TENM2: variants seen among roughly 807,000 people sequenced by gnomAD.
TENM2 encodes teneurin transmembrane protein 2, also known as teneurin-2.
In TENM2, 52 loss-of-function variants were observed where a neutral mutation model predicts 245.2. The ratio of observed to expected loss-of-function variants is 0.21; its 90% confidence interval spans 0.17 to 0.27. The LOEUF is 0.27. TENM2 is among the 10% of genes least tolerant of loss of function. The pLI is 1.00. For synonymous variants in TENM2, 1,363 were observed against 1,438.9 expected (o/e 0.95, Z 1.19); for missense variants, 3,046 against 3,666.8 (o/e 0.83, Z 4.37).
chr5:167,112,760 C>G, the TENM2 span, among the ~76,000 whole-genome samples: 2 of 152,180 alleles, frequency 1.3e-5, no homozygotes, highest in Non-Finnish European at 2.9e-5. Flanking sequence ...TCCATACAAT[C>G]TGGCATCATG....
At chr5:168,019,610 TG>T in intron 5 of TENM2, among the ~76,000 whole-genome samples, 1 of 151,982 alleles carries the variant, frequency 6.6e-6, no homozygotes, top group Non-Finnish European at 1.5e-5. Context: ...AGCCAGCCCC[TG>T]GGAAAAAGGG....
At chr5:167,629,824 A>G (rs562659198) in intron 2 of TENM2, among the ~76,000 whole-genome samples, 1 of 152,236 alleles carries the variant, frequency 6.6e-6, no homozygotes, top group African/African-American at 2.4e-5. Flanking sequence ...ATAATCACCC[A>G]GAAAGGCACT....
chr5:167,776,788 G>A (rs577302356), intron 2 of TENM2, among the ~76,000 whole-genome samples: 55 of 151,224 alleles, frequency 3.6e-4, no homozygotes, highest in African/African-American at 1.2e-3. Flanking sequence ...TTTCTATTTC[G>A]GTTCTTTAAA....
chr5:168,081,122 G>A (rs1227241026), intron 7 of TENM2, among the ~76,000 whole-genome samples: 1 of 152,064 alleles, frequency 6.6e-6, no homozygotes, highest in East Asian at 1.9e-4. Context: ...CTCCTGTATT[G>A]GGTGCATATA....
chr5:168,058,191 G>C (rs971398335), intron 6 of TENM2, among the ~76,000 whole-genome samples: 9 of 152,172 alleles, frequency 5.9e-5, no homozygotes, highest in Non-Finnish European at 1.3e-4. Flanking sequence ...CCTTACACAT[G>C]TAGATTTTCA....
intron 1 of TENM2, among the ~76,000 whole-genome samples, chr5:167,349,248 A>T (rs748934666): frequency 3.9e-5 from 6 of 152,190 alleles, no homozygotes; most frequent in Non-Finnish European, 7.3e-5. Context: ...ACGTCATCTA[A>T]TAGATCTAGG....
At chr5:167,970,206 T>C (rs1175465024) in intron 4 of TENM2, among the ~76,000 whole-genome samples, 1 of 152,244 alleles carries the variant, frequency 6.6e-6, no homozygotes. Flanking sequence ...TAAGTTTCAC[T>C]GACTAACTTC....
the TENM2 span, among the ~76,000 whole-genome samples, chr5:167,253,172 C>T: frequency 6.6e-6 from 1 of 151,814 alleles, no homozygotes; most frequent in Non-Finnish European, 1.5e-5. Context: ...CTCAGTGCAG[C>T]CTCCACCTCC....
intron 2 of TENM2, among the ~76,000 whole-genome samples, chr5:167,441,055 C>T (rs897847810): frequency 6.6e-6 from 1 of 152,188 alleles, no homozygotes; most frequent in Non-Finnish European, 1.5e-5. Context: ...TCCCACCCCA[C>T]TCCTAGAGGT....
At chr5:168,077,682 G>A (rs1427230663) in intron 7 of TENM2, among the ~76,000 whole-genome samples, 2 of 152,056 alleles carry the variant, frequency 1.3e-5, no homozygotes, top group Non-Finnish European at 2.9e-5. Context: ...ATGGTGTTTG[G>A]TTTTCTGTCC....
intron 2 of TENM2, among the ~76,000 whole-genome samples, chr5:167,736,537 C>A (rs1444991740): frequency 6.6e-6 from 1 of 152,060 alleles, no homozygotes; most frequent in Non-Finnish European, 1.5e-5. Flanking sequence ...TTGCTCACTT[C>A]TTTGGGTTAA....
chr5:167,828,592 A>G (rs1768187237), intron 2 of TENM2, among the ~76,000 whole-genome samples: 1 of 152,128 alleles, frequency 6.6e-6, no homozygotes, highest in Non-Finnish European at 1.5e-5. Flanking sequence ...TGTGTTCACT[A>G]TTTGCTGTCT....
intron 2 of TENM2, among the ~76,000 whole-genome samples, chr5:167,515,934 A>G (rs1770353439): frequency 6.6e-6 from 1 of 152,118 alleles, no homozygotes; most frequent in Admixed American, 6.6e-5. Flanking sequence ...AATGTTATGC[A>G]TGTAAAAGTT....
intron 2 of TENM2, among the ~76,000 whole-genome samples, chr5:167,737,459 T>C (rs754430940): frequency 6.6e-5 from 10 of 152,234 alleles, no homozygotes; most frequent in Non-Finnish European, 1.2e-4. Context: ...CGAAGGTCCA[T>C]GCTGGTACCT....
intron 2 of TENM2, among the ~76,000 whole-genome samples, chr5:167,507,884 TTTTA>T (rs1474991176): frequency 6.6e-6 from 1 of 152,132 alleles, no homozygotes; most frequent in East Asian, 1.9e-4. Context: ...TCTCTGTAGA[TTTTA>T]TTTTTCTTTC....
chr5:167,312,662 A>G (rs1187108612), intron 1 of TENM2, among the ~76,000 whole-genome samples: 1 of 152,118 alleles, frequency 6.6e-6, no homozygotes, highest in African/African-American at 2.4e-5. Context: ...AATTAAACTC[A>G]GTGTGTTATA....
chr5:168,124,053 G>A (rs1475200057), intron 10 of TENM2, among the ~76,000 whole-genome samples: 4 of 152,156 alleles, frequency 2.6e-5, no homozygotes, highest in African/African-American at 9.7e-5. Flanking sequence ...ACTCTATTAA[G>A]ATGGCCAAAC....
chr5:167,859,577 T>C (rs1360743588), intron 2 of TENM2, among the ~76,000 whole-genome samples: 573 of 46,906 alleles, frequency 0.012, no homozygotes, highest in East Asian at 0.021. Context: ...GCCCCCCGCC[T>C]GGCCAGCCGC....
the TENM2 span, among the ~76,000 whole-genome samples, chr5:167,070,133 T>TTCATTTATTTATTTATTTATTTA: frequency 6.8e-6 from 1 of 147,792 alleles, no homozygotes; most frequent in Admixed American, 6.7e-5. Context: ...TTATTTATTT[T>TTCATTTATTTATTTATTTATTTA]TTGAGACAGA....
Sources: allele counts gnomAD v4.1 joint callset (sites outside exome capture counted in the v4.1 genomes callset), GRCh38; gene constraint gnomAD v4.1.1; transcripts MANE v1.5; gene names NCBI Gene and HGNC (gene_info 2026-07-23, HGNC 2026-07-21).